The following WDR82 variants were observed in gnomAD, a reference collection of about 807,000 sequenced individuals.
WDR82 encodes WD repeat-containing protein 82.
In WDR82, 8 loss-of-function variants were observed where a neutral mutation model predicts 36.1. The observed-to-expected ratio is 0.22, with a 90% CI of 0.13 to 0.40. The LOEUF (loss-of-function observed/expected upper bound fraction) is 0.40, where lower values mean the gene tolerates loss of function less well. WDR82 is among the 10% of genes least tolerant of loss of function. The probability of loss-of-function intolerance (pLI) is 1.00; values close to 1 mark genes in which losing one functional copy is unlikely to be tolerated. For missense variants in WDR82, 185 were observed against 400.5 expected (o/e 0.46, Z 4.59); for synonymous variants, 129 against 137.8 (o/e 0.94, Z 0.45).
chr3:52,270,213 G>T (rs1003978387), intron 2 of WDR82, among the ~76,000 whole-genome samples: 1 of 152,124 alleles, frequency 6.6e-6, no homozygotes, highest in African/African-American at 2.4e-5. Context: ...TCTGCCTCCC[G>T]GGTTCAAGAG....
intron 1 of WDR82, 119 bp downstream of exon 1, chr3:52,278,082 G>T: frequency 8.8e-7 from 1 of 1,137,616 alleles, no homozygotes; most frequent in Non-Finnish European, 1.2e-6. Flanking sequence ...GGCCCTGGCA[G>T]GAACGCGTGC....
intron 1 of WDR82, among the ~76,000 whole-genome samples, chr3:52,271,517 G>A (rs140771105): frequency 6.6e-6 from 1 of 151,884 alleles, no homozygotes; most frequent in East Asian, 1.9e-4. Context: ...AACAAAGAGG[G>A]ATATGAGAAT....
At chr3:52,258,443 A>G in intron 8 of WDR82, 93 bp downstream of exon 8, 2 of 1,419,882 alleles carry the variant, frequency 1.4e-6, no homozygotes, top group East Asian at 2.3e-5. Context: ...TAATGTACCT[A>G]TGTAGAACAC....
chr3:52,266,827 T>A (rs1700110584), intron 3 of WDR82, 125 bp downstream of exon 3: 1 of 771,768 alleles, frequency 1.3e-6, no homozygotes, highest in African/African-American at 1.8e-5. Flanking sequence ...TAAGAGAAGA[T>A]GAAGAATGCC....
intron 2 of WDR82, among the ~76,000 whole-genome samples, chr3:52,270,409 C>T (rs778318121): frequency 5.3e-5 from 8 of 152,210 alleles, no homozygotes; most frequent in East Asian, 3.8e-4. Context: ...CGAGCCCCTA[C>T]GCCCGGCTTT....
intron 2 of WDR82, among the ~76,000 whole-genome samples, chr3:52,269,687 G>A (rs1396701112): frequency 1.3e-5 from 2 of 151,018 alleles, no homozygotes; most frequent in African/African-American, 2.4e-5. Context: ...CTGAGATCGC[G>A]CCACTGCACT....
intron 1 of WDR82, among the ~76,000 whole-genome samples, 196 bp from the exon 2 acceptor site, chr3:52,271,005 C>T (rs1008890491): frequency 6.6e-6 from 1 of 152,190 alleles, no homozygotes; most frequent in Admixed American, 6.5e-5. Flanking sequence ...AGCTTTCCAC[C>T]TTAGAACACC....
intron 8 of WDR82, among the ~76,000 whole-genome samples, chr3:52,258,116 G>C (rs1365555426): frequency 6.6e-6 from 1 of 152,156 alleles, no homozygotes; most frequent in East Asian, 1.9e-4. Context: ...TTAATTCTAA[G>C]TGGTGAGTTA....
intron 3 of WDR82, among the ~76,000 whole-genome samples, chr3:52,264,632 G>T (rs1050202245): frequency 1.3e-5 from 2 of 152,060 alleles, no homozygotes; most frequent in African/African-American, 4.8e-5. Flanking sequence ...TTTAAGATAA[G>T]AAAGACCAAG....
At chr3:52,271,054 G>C (rs1160568357) in intron 1 of WDR82, among the ~76,000 whole-genome samples, 1 of 151,884 alleles carries the variant, frequency 6.6e-6, no homozygotes, top group Non-Finnish European at 1.5e-5. Flanking sequence ...GTAAATCTGG[G>C]GATTCAATTC....
intron 3 of WDR82, among the ~76,000 whole-genome samples, chr3:52,264,701 G>T (rs753929475): frequency 2.0e-4 from 31 of 152,116 alleles, no homozygotes; most frequent in Non-Finnish European, 3.4e-4. Flanking sequence ...GCAGAAAGAG[G>T]AAGGTCTGTT....
rs1578014218 is a variant in WDR82, at chr3:52,278,448, C to T, written c.-87G>A. ...CGGGCTGCCGAGGGGCCAACCCAGG[C>T]GGGGCGGGCGCCGCGCCGGCGGCTA... On this transcript the variant is annotated 5_prime_UTR_variant, in exon 1 of 9. Transcript: ENST00000296490. 20 of 1,123,326 alleles carry T rather than the reference C, an allele frequency of 1.8e-5. No individual in the cohort carries two copies. In the East Asian group the frequency reaches 7.4e-4, roughly 41 times the overall value. 69.6% of individuals were successfully genotyped at this position (1,123,326 alleles called of 1,614,324 possible).
chr3:52,278,013 T>C (rs1400329164), intron 1 of WDR82, 188 bp downstream of exon 1: 1 of 460,760 alleles, frequency 2.2e-6, no homozygotes, highest in Non-Finnish European at 3.7e-6. Context: ...ACTATCGTTA[T>C]CTTTTTTTTT....
chr3:52,270,674 G>T lies in WDR82; in HGVS notation c.259+38C>A, dbSNP rs756268521. ...AGATTCCATGAACTATTTAACAAAG[G>T]AAACCATGACCTTAACTTCCTAAAA... On this transcript the variant is annotated intron_variant, in intron 2 of 8. Transcript: ENST00000296490. The T allele has an allele frequency of 2.6e-6, 4 of 1,511,394 alleles. No individual in the cohort carries two copies. In the South Asian group the frequency reaches 4.8e-5, roughly 18 times the overall value. 93.6% of individuals were successfully genotyped at this position (1,511,394 alleles called of 1,614,324 possible).
At chr3:52,261,298 T>C (rs1700059254) in intron 4 of WDR82, 82 bp downstream of exon 4, 13 of 1,225,556 alleles carry the variant, frequency 1.1e-5, no homozygotes, top group South Asian at 4.3e-5. Context: ...ACCACTGTTT[T>C]CTCCCTTCTT....
chr3:52,258,813 G>A, intron 7 of WDR82, 135 bp from the exon 8 acceptor site: 2 of 1,270,844 alleles, frequency 1.6e-6, no homozygotes, highest in South Asian at 1.4e-5. Flanking sequence ...AGAGGGAGGA[G>A]AGGCAGTGAA....
At chr3:52,275,826 G>A (rs1700198433) in intron 1 of WDR82, among the ~76,000 whole-genome samples, 1 of 152,200 alleles carries the variant, frequency 6.6e-6, no homozygotes, top group African/African-American at 2.4e-5. Flanking sequence ...GGAGGTTGCA[G>A]TGAGCCAAGA....
At position 52,259,878 on chromosome 3, in the gene WDR82, A is replaced by G. The variant is rs761153870; in HGVS notation, c.544-6T>C. The G allele has an allele frequency of 6.8e-6, 11 of 1,610,326 alleles. No individual in the cohort carries two copies. The highest frequency in any genetic ancestry group is 9.3e-6 in the Non-Finnish European group (11 of 1,178,336). ...TTAAAGGTAGCAAATGGCCCCTGCA[A>G]AAGATAAAAAACAGTAGCCCCAGGC... is the stretch of plus-strand genomic sequence containing the variant. On this transcript the variant is annotated splice_polypyrimidine_tract_variant and splice_region_variant and intron_variant, in intron 5 of 8. Coordinates refer to ENST00000296490, the MANE Select transcript of WDR82 (RefSeq NM_025222.4).
chr3:52,267,106 T>C lies in WDR82; in HGVS notation c.260-88A>G, dbSNP rs192019124. ...TTCATCTTAAAAAGACAAGGTCAAA[T>C]AATCCATTGTATTCTATATCCCAAG... On this transcript the variant is annotated intron_variant, in intron 2 of 8. Transcript: ENST00000296490. 53 of 1,040,882 alleles carry C rather than the reference T, an allele frequency of 5.1e-5. No individual in the cohort carries two copies. In the African/African-American group the frequency reaches 7.0e-4, roughly 14 times the overall value. The allele number at this position is 1,040,882 out of a possible 1,614,324, so 64.5% of individuals were successfully genotyped here.
Sources: allele counts gnomAD v4.1 joint callset (sites outside exome capture counted in the v4.1 genomes callset), GRCh38; gene constraint gnomAD v4.1.1; transcripts MANE v1.5; gene names NCBI Gene and HGNC (gene_info 2026-07-23, HGNC 2026-07-21).